SAMD4A: variants seen among roughly 807,000 people sequenced by gnomAD.
The protein encoded by SAMD4A is protein Smaug homolog 1.
Under a neutral mutation model 81.3 loss-of-function variants are expected in SAMD4A, and 33 were observed. The ratio of observed to expected loss-of-function variants is 0.41; its 90% CI spans 0.31 to 0.54. The LOEUF (loss-of-function observed/expected upper bound fraction) is 0.54. Among genes scored for constraint, SAMD4A ranks in the 20% least tolerant of loss-of-function variants. The pLI is 0.37. For missense variants in SAMD4A, 854 were observed against 951.1 expected (o/e 0.90, Z 1.34); for synonymous variants, 389 against 382.1 (o/e 1.02, Z -0.21).
intron 2 of SAMD4A, among the ~76,000 whole-genome samples, chr14:54,590,580 CTGAG>C (rs1255845171): frequency 1.3e-5 from 2 of 152,134 alleles, no homozygotes; most frequent in Non-Finnish European, 2.9e-5. Flanking sequence ...TTTCTCTTTC[CTGAG>C]TGTCTTTGAA....
intron 7 of SAMD4A, among the ~76,000 whole-genome samples, chr14:54,763,387 A>AAT (rs1262480989): frequency 6.6e-6 from 1 of 152,118 alleles, no homozygotes; most frequent in African/African-American, 2.4e-5. Context: ...ATATACTTAC[A>AAT]ATATTTCTAT....
intron 3 of SAMD4A, among the ~76,000 whole-genome samples, chr14:54,734,701 A>T (rs180823076): frequency 1.3e-5 from 2 of 152,362 alleles, no homozygotes; most frequent in East Asian, 1.9e-4. Flanking sequence ...AGCATGGATT[A>T]AAAAATCAGA....
At chr14:54,670,978 C>T (rs572682354) in intron 2 of SAMD4A, among the ~76,000 whole-genome samples, 39 of 152,222 alleles carry the variant, frequency 2.6e-4, no homozygotes, top group Admixed American at 1.0e-3. Flanking sequence ...CTCCTTCCAC[C>T]GATAAATATT....
intron 2 of SAMD4A, among the ~76,000 whole-genome samples, chr14:54,663,044 A>G (rs2035679609): frequency 6.6e-6 from 1 of 152,338 alleles, no homozygotes; most frequent in South Asian, 2.1e-4. Flanking sequence ...AAACTACTCC[A>G]TTGAAGTTGG....
chr14:54,739,055 C>CTTTTTCT (rs2037776227), intron 4 of SAMD4A, among the ~76,000 whole-genome samples: 1 of 97,346 alleles, frequency 1.0e-5, no homozygotes, highest in Non-Finnish European at 1.8e-5. Flanking sequence ...CTTTCCTTTT[C>CTTTTTCT]TTTTTTTTTT....
chr14:54,596,103 C>T lies in SAMD4A; in HGVS notation c.196+27991C>T, dbSNP rs371203702. ...GTGGTAACTAGATAATGGTATGTGG[C>T]GTGGGAAGAGTACCCGTCAGGTCCT... On this transcript the variant is annotated intron_variant, in intron 2 of 12. Transcript: ENST00000554335. Among the ~76,000 whole-genome samples the T allele has an allele frequency of 2.6e-5, 4 of 152,034 alleles. No homozygotes were observed. In the East Asian group the frequency reaches 5.8e-4, roughly 22 times the overall value.
intron 2 of SAMD4A, among the ~76,000 whole-genome samples, chr14:54,640,219 C>CA (rs2035142114): frequency 6.6e-6 from 1 of 152,038 alleles, no homozygotes; most frequent in African/African-American, 2.4e-5. Flanking sequence ...TCCCAGCGCC[C>CA]TCGTGTCTCT....
At chr14:54,606,413 A>G (rs926143264) in intron 2 of SAMD4A, among the ~76,000 whole-genome samples, 1 of 152,180 alleles carries the variant, frequency 6.6e-6, no homozygotes, top group Non-Finnish European at 1.5e-5. Context: ...AATCTGTGGC[A>G]TGTGCCTGCT....
intron 2 of SAMD4A, among the ~76,000 whole-genome samples, chr14:54,664,241 G>A (rs2035707548): frequency 6.6e-6 from 1 of 152,050 alleles, no homozygotes; most frequent in Admixed American, 6.6e-5. Flanking sequence ...GGTTTATACA[G>A]GAAAGATAAT....
At chr14:54,782,375 G>A (rs1328971981) in intron 11 of SAMD4A, among the ~76,000 whole-genome samples, 1 of 151,048 alleles carries the variant, frequency 6.6e-6, no homozygotes. Flanking sequence ...ATATAAAATT[G>A]TGTTTCTATT....
At chr14:54,626,577 G>A (rs564508292) in intron 2 of SAMD4A, among the ~76,000 whole-genome samples, 1 of 152,040 alleles carries the variant, frequency 6.6e-6, no homozygotes, top group East Asian at 1.9e-4. Flanking sequence ...CAAGTCGAAC[G>A]GGTCTCCCTT....
rs2034536389 is a variant in SAMD4A, at chr14:54,618,219, C to T, written c.196+50107C>T. The stretch of plus-strand genomic sequence containing the variant: ...TTCCAGTGGTGTGCTGGAGCCGCCT[C>T]CCACCAGCTCCCGTGAGCTGATCAT... On this transcript the variant is annotated intron_variant, in intron 2 of 12. Coordinates refer to ENST00000554335, the MANE Select transcript of SAMD4A (RefSeq NM_015589.6). Among the ~76,000 whole-genome samples, 3 of 152,280 alleles carry T rather than the reference C, an allele frequency of 2.0e-5. No individual in the cohort carries two copies. The South Asian group carries it at 6.2e-4, about 32-fold the overall frequency.
chr14:54,591,521 T>C (rs1261756520), intron 2 of SAMD4A, among the ~76,000 whole-genome samples: 1 of 105,774 alleles, frequency 9.5e-6, no homozygotes, highest in Non-Finnish European at 1.9e-5. Flanking sequence ...GGGAATCCTG[T>C]ATTTTGTTTT....
Position 54,777,755 on chromosome 14 carries a change from G to T in SAMD4A, c.2044+1215G>T, listed in dbSNP as rs533730359. 3.3e-5 allele frequency among the ~76,000 whole-genome samples: 5 copies of T among 152,224 alleles called. No individual in the cohort carries two copies. In the East Asian group the frequency reaches 9.6e-4, roughly 29 times the overall value. ...CTGCTGGGAACGGCATGTCAGGGAG[G>T]GGAGCGACAGCTACCCAGTGCAGAG... On this transcript the variant is annotated intron_variant, in intron 11 of 12. Transcript: ENST00000554335.
intron 2 of SAMD4A, among the ~76,000 whole-genome samples, chr14:54,597,242 A>G (rs79342022): frequency 2.0e-5 from 3 of 150,406 alleles, no homozygotes; most frequent in East Asian, 1.9e-4. Context: ...ACATCTCTCT[A>G]TCTCTCTGTT....
At chr14:54,597,647 T>C (rs1412112207) in intron 2 of SAMD4A, among the ~76,000 whole-genome samples, 2 of 145,276 alleles carry the variant, frequency 1.4e-5, no homozygotes, top group African/African-American at 5.1e-5. Flanking sequence ...TGGAGTGCAG[T>C]GGCATGATCA....
At chr14:54,625,809 A>T (rs2034730470) in intron 2 of SAMD4A, among the ~76,000 whole-genome samples, 1 of 152,176 alleles carries the variant, frequency 6.6e-6, no homozygotes, top group Non-Finnish European at 1.5e-5. Flanking sequence ...GGTCACTCTT[A>T]CTTGACTTTG....
At chr14:54,780,419 C>A (rs1275843916) in intron 11 of SAMD4A, among the ~76,000 whole-genome samples, 1 of 152,198 alleles carries the variant, frequency 6.6e-6, no homozygotes, top group Non-Finnish European at 1.5e-5. Flanking sequence ...TCATTTCCTT[C>A]CGGAGAACTG....
intron 3 of SAMD4A, among the ~76,000 whole-genome samples, chr14:54,716,285 C>A (rs1292159629): frequency 6.6e-6 from 1 of 152,144 alleles, no homozygotes; most frequent in East Asian, 1.9e-4. Flanking sequence ...TATTCCTCAG[C>A]TCCAGGTTCT....
Sources: gnomAD v4.1 joint callset for allele counts (sites outside exome capture counted in the v4.1 genomes callset) on GRCh38, gnomAD v4.1.1 for gene constraint, MANE v1.5 for transcripts, NCBI Gene and HGNC (gene_info 2026-07-23, HGNC 2026-07-21) for gene names.